The following SSBP2 variants were observed in gnomAD, a reference collection of about 807,000 sequenced individuals.
SSBP2 encodes the protein single stranded DNA binding protein 2.
In SSBP2, 17 loss-of-function variants were observed where a neutral mutation model predicts 61.8. The observed-to-expected ratio is 0.28, with a 90% CI of 0.19 to 0.41. The LOEUF (loss-of-function observed/expected upper bound fraction) is 0.41. SSBP2 is among the 10% of genes least tolerant of loss of function. The pLI is 1.00. For synonymous variants in SSBP2, 139 were observed against 141.3 expected (o/e 0.98, Z 0.12); for missense variants, 310 against 458.7 (o/e 0.68, Z 2.96).
intron 1 of SSBP2, among the ~76,000 whole-genome samples, chr5:81,669,871 G>A (rs1464707897): frequency 6.6e-6 from 1 of 152,032 alleles, no homozygotes; most frequent in African/African-American, 2.4e-5. Flanking sequence ...AGACACGGAG[G>A]AAACTTAAAT....
chr5:81,478,116 T>C (rs990643184), intron 6 of SSBP2, among the ~76,000 whole-genome samples: 4 of 152,060 alleles, frequency 2.6e-5, no homozygotes, highest in Admixed American at 2.0e-4. Context: ...CTAATTGATA[T>C]TATATTCAAT....
At chr5:81,433,142 A>C (rs961642715) in intron 15 of SSBP2, among the ~76,000 whole-genome samples, 8 of 151,986 alleles carry the variant, frequency 5.3e-5, no homozygotes, top group South Asian at 2.1e-4. Flanking sequence ...CCATGATGAC[A>C]ATGGCGGTTT....
chr5:81,442,459 T>C (rs1211480147), intron 13 of SSBP2, among the ~76,000 whole-genome samples, 194 bp downstream of exon 13: 1 of 152,114 alleles, frequency 6.6e-6, no homozygotes, highest in Non-Finnish European at 1.5e-5. Context: ...TTAAATTATA[T>C]TGATATAAAA....
chr5:81,571,003 G>C (rs926517645), intron 4 of SSBP2, among the ~76,000 whole-genome samples: 11 of 151,998 alleles, frequency 7.2e-5, no homozygotes, highest in African/African-American at 2.7e-4. Flanking sequence ...CTTCTCCATG[G>C]CAAATAAGTT....
At chr5:81,581,838 A>G (rs1333463203) in intron 4 of SSBP2, among the ~76,000 whole-genome samples, 1 of 152,188 alleles carries the variant, frequency 6.6e-6, no homozygotes, top group Non-Finnish European at 1.5e-5. Context: ...CTTCAAAAAG[A>G]AATGTCTTGA....
chr5:81,450,186 G>A (rs1763676387), intron 10 of SSBP2, among the ~76,000 whole-genome samples: 1 of 152,012 alleles, frequency 6.6e-6, no homozygotes, highest in Admixed American at 6.6e-5. Flanking sequence ...TGCTCCACTG[G>A]CTAATTTTTA....
At chr5:81,592,529 G>T (rs919250291) in intron 4 of SSBP2, among the ~76,000 whole-genome samples, 1 of 152,190 alleles carries the variant, frequency 6.6e-6, no homozygotes, top group Non-Finnish European at 1.5e-5. Flanking sequence ...ATCTGAGAAT[G>T]GGCAGACTGC....
Position 81,459,447 on chromosome 5 carries a change from T to C in SSBP2, c.687+1608A>G, listed in dbSNP as rs1262193401. Among the ~76,000 whole-genome samples, 4 of 152,102 alleles carry C rather than the reference T, an allele frequency of 2.6e-5. No homozygotes were observed. The East Asian group carries it at 7.7e-4, about 29-fold the overall frequency. On this transcript the variant is annotated intron_variant, in intron 10 of 16. Transcript: ENST00000320672. ...GGTGGGTAGTGGTGGGTGTGAATTG[T>C]ACTCTGGCTGCCTACAATGGCAGTA...
At chr5:81,424,148 G>A (rs572103676) in intron 16 of SSBP2, among the ~76,000 whole-genome samples, 3 of 152,186 alleles carry the variant, frequency 2.0e-5, no homozygotes, top group African/African-American at 4.8e-5. Flanking sequence ...GCAACTGGCC[G>A]GGCATGGTGG....
chr5:81,433,501 T>C (rs1439892270), intron 15 of SSBP2, among the ~76,000 whole-genome samples: 2 of 151,576 alleles, frequency 1.3e-5, no homozygotes, highest in African/African-American at 4.9e-5. Context: ...TTTGTTCACT[T>C]GTTTATCTGC....
intron 4 of SSBP2, among the ~76,000 whole-genome samples, chr5:81,531,051 CAAACCA>C (rs762034401): frequency 2.0e-5 from 3 of 151,254 alleles, no homozygotes. Context: ...TCTACAAAAC[CAAACCA>C]AAACCAAAAC....
chr5:81,593,215 G>A (rs1743288434), intron 4 of SSBP2, among the ~76,000 whole-genome samples: 1 of 152,166 alleles, frequency 6.6e-6, no homozygotes, highest in South Asian at 2.1e-4. Flanking sequence ...AGTAGCCGAT[G>A]CCATCAACTG....
intron 1 of SSBP2, among the ~76,000 whole-genome samples, chr5:81,677,908 A>G (rs1051184238): frequency 6.6e-6 from 1 of 151,824 alleles, no homozygotes; most frequent in African/African-American, 2.4e-5. Context: ...TTATCACAGG[A>G]CTATAAAAGG....
At chr5:81,711,788 C>A (rs543386703) in intron 1 of SSBP2, among the ~76,000 whole-genome samples, 1 of 151,976 alleles carries the variant, frequency 6.6e-6, no homozygotes, top group South Asian at 2.1e-4. Context: ...GTTCTGGAGC[C>A]AGACTACAGA....
intron 4 of SSBP2, among the ~76,000 whole-genome samples, chr5:81,606,315 A>G (rs1035994608): frequency 6.6e-6 from 1 of 152,204 alleles, no homozygotes; most frequent in Non-Finnish European, 1.5e-5. Context: ...GCAGCTGAAT[A>G]GCTGGGAGAA....
rs180785470 is a variant in SSBP2 at position 81,449,354 on chromosome 5, T to C, written c.688-529A>G. On this transcript the variant is annotated intron_variant, in intron 10 of 16. Coordinates refer to ENST00000320672, the MANE Select transcript of SSBP2 (RefSeq NM_012446.5). ...AGAAGGTATTAATACGACATTGCTGTGATAATTTAAGAAATGAAAAACCAG... is the reference window on the plus strand; with the variant it reads ...AGAAGGTATTAATACGACATTGCTGCGATAATTTAAGAAATGAAAAACCAG... 1.1e-3 allele frequency among the ~76,000 whole-genome samples: 161 copies of C among 152,278 alleles called. 2 individuals are homozygous for C. Among genetic ancestry groups the C allele is most frequent in the Non-Finnish European group, 2.4e-4 (16 of 68,008 alleles).
chr5:81,453,855 A>G (rs1763949757), intron 10 of SSBP2, among the ~76,000 whole-genome samples: 1 of 152,212 alleles, frequency 6.6e-6, no homozygotes, highest in Non-Finnish European at 1.5e-5. Flanking sequence ...AAAACTAAAG[A>G]AACATTATTA....
intron 1 of SSBP2, among the ~76,000 whole-genome samples, chr5:81,693,177 C>T (rs1251604496): frequency 6.7e-6 from 1 of 148,998 alleles, no homozygotes; most frequent in Non-Finnish European, 1.5e-5. Flanking sequence ...GCACTCCAGC[C>T]TGGCGATGGA....
chr5:81,508,107 A>G (rs1002566573), intron 5 of SSBP2, among the ~76,000 whole-genome samples: 2 of 152,178 alleles, frequency 1.3e-5, no homozygotes, highest in African/African-American at 4.8e-5. Context: ...AAATCTTTGA[A>G]TAAGACAGAG....
Sources: gnomAD v4.1 joint callset for allele counts (sites outside exome capture counted in the v4.1 genomes callset) on GRCh38, gnomAD v4.1.1 for gene constraint, MANE v1.5 for transcripts, NCBI Gene and HGNC (gene_info 2026-07-23, HGNC 2026-07-21) for gene names.